The following KHDRBS2 variants were observed in gnomAD, a reference collection of about 807,000 sequenced individuals.
KHDRBS2 encodes the protein KH domain-containing, RNA-binding, signal transduction-associated protein 2.
A neutral mutation model predicts 44.3 loss-of-function variants in KHDRBS2; 26 were observed. The ratio of observed to expected loss-of-function variants is 0.59; its 90% CI spans 0.43 to 0.81. The LOEUF (loss-of-function observed/expected upper bound fraction) is 0.81. Among genes scored for constraint, KHDRBS2 ranks in the 40% least tolerant of loss-of-function variants. KHDRBS2 has a pLI of 0.00. For missense variants in KHDRBS2, 476 were observed against 433.1 expected, an observed-to-expected ratio of 1.10 and a Z score of -0.88; for synonymous variants, 194 against 151.1, an observed-to-expected ratio of 1.28 and a Z score of -2.08.
intron 2 of KHDRBS2, among the ~76,000 whole-genome samples, chr6:62,129,461 G>A (rs1809749559): frequency 6.6e-6 from 1 of 152,114 alleles, no homozygotes. Flanking sequence ...TATATTTTTG[G>A]TAGAGTGGGT....
intron 1 of KHDRBS2, among the ~76,000 whole-genome samples, chr6:62,245,110 A>G (rs1018113775): frequency 1.3e-4 from 20 of 152,172 alleles, no homozygotes; most frequent in African/African-American, 4.8e-4. Flanking sequence ...TTGGAGACTC[A>G]TTACTGAATA....
At chr6:62,099,515 G>C (rs1584691532) in intron 2 of KHDRBS2, among the ~76,000 whole-genome samples, 1 of 152,180 alleles carries the variant, frequency 6.6e-6, no homozygotes, top group East Asian at 1.9e-4. Flanking sequence ...CTGGGTCTGT[G>C]AGTTTCTACC....
At chr6:61,760,884 A>G (rs1424779064) in intron 6 of KHDRBS2, among the ~76,000 whole-genome samples, 4 of 152,234 alleles carry the variant, frequency 2.6e-5, no homozygotes, top group Admixed American at 2.6e-4. Flanking sequence ...TCATGAAGAA[A>G]TGCTTGAACA....
At chr6:62,275,369 T>A (rs1379537151) in intron 1 of KHDRBS2, among the ~76,000 whole-genome samples, 4 of 152,154 alleles carry the variant, frequency 2.6e-5, no homozygotes, top group Non-Finnish European at 5.9e-5. Flanking sequence ...GATAAAAAAG[T>A]GGCTTCTACT....
chr6:61,961,152 G>C (rs1768616503), intron 4 of KHDRBS2, among the ~76,000 whole-genome samples: 1 of 152,034 alleles, frequency 6.6e-6, no homozygotes, highest in Non-Finnish European at 1.5e-5. Flanking sequence ...TGCAACAATA[G>C]CTTTACAATA....
In KHDRBS2 at chr6:62,128,544, A is replaced by ATC. The variant is rs5876776; in HGVS notation, c.219+48639_219+48640dup. ...AATGATCTCTAAATTTCTTTTAATG[A>ATC]TCTCTCTCTCTCTCTCTCTCTCTCT... On this transcript the variant is annotated intron_variant, in intron 2 of 8. Coordinates refer to ENST00000281156, the MANE Select transcript of KHDRBS2 (RefSeq NM_152688.4). Among the ~76,000 whole-genome samples the ATC allele has an allele frequency of 3.3e-3, 486 of 148,760 alleles. 2 individuals are homozygous for ATC. The highest frequency in any genetic ancestry group is 0.013 in the South Asian group (63 of 4,678).
At chr6:61,570,306 A>C in the KHDRBS2 span, among the ~76,000 whole-genome samples, 1 of 152,136 alleles carries the variant, frequency 6.6e-6, no homozygotes. Flanking sequence ...GACTAGAACA[A>C]GTAGAAGAAA....
At chr6:61,996,668 T>C (rs115275838) in intron 3 of KHDRBS2, among the ~76,000 whole-genome samples, 2 of 152,296 alleles carry the variant, frequency 1.3e-5, no homozygotes, top group Admixed American at 6.5e-5. Flanking sequence ...TTAAGCCCAA[T>C]TGAACTTTTT....
rs141688057 is a variant in KHDRBS2, at chr6:62,248,473, C to T, written c.91+37385G>A. Among the ~76,000 whole-genome samples, 1,468 of 152,060 alleles carry T rather than the reference C, an allele frequency of 9.7e-3. 15 individuals are homozygous for T. The highest frequency in any genetic ancestry group is 0.02 in the Middle Eastern group (6 of 294). On this transcript the variant is annotated intron_variant, in intron 1 of 8. Coordinates refer to ENST00000281156, the MANE Select transcript of KHDRBS2 (RefSeq NM_152688.4). ...TCCTGGGTTCAAGCGATTCTCCCAC[C>T]TCAGCCTCCCGAGTAACTGGGATTA...
chr6:61,939,555 A>AC (rs1554281699), intron 4 of KHDRBS2, among the ~76,000 whole-genome samples: 3 of 152,064 alleles, frequency 2.0e-5, no homozygotes, highest in Non-Finnish European at 2.9e-5. Context: ...GGTAAAAAAA[A>AC]CAGATTTATT....
chr6:61,892,653 A>G (rs1242331171), intron 6 of KHDRBS2, among the ~76,000 whole-genome samples: 1 of 152,206 alleles, frequency 6.6e-6, no homozygotes, highest in East Asian at 1.9e-4. Context: ...CAATGGGGAA[A>G]GGATTCCCTA....
intron 2 of KHDRBS2, among the ~76,000 whole-genome samples, chr6:62,100,966 C>A (rs1232613270): frequency 6.6e-6 from 1 of 152,110 alleles, no homozygotes; most frequent in Admixed American, 6.5e-5. Context: ...AATAAACATT[C>A]AACACTCAGA....
chr6:61,819,794 A>C (rs1789589102), intron 6 of KHDRBS2, among the ~76,000 whole-genome samples: 1 of 152,062 alleles, frequency 6.6e-6, no homozygotes, highest in South Asian at 2.1e-4. Flanking sequence ...CAGATGAGGC[A>C]AGATAAGTCT....
the KHDRBS2 span, among the ~76,000 whole-genome samples, chr6:61,657,421 T>G: frequency 6.6e-6 from 1 of 151,990 alleles, no homozygotes; most frequent in Admixed American, 6.6e-5. Flanking sequence ...TGGGAACATA[T>G]GAACATCTGA....
At chr6:62,213,298 A>C (rs16882220) in intron 1 of KHDRBS2, among the ~76,000 whole-genome samples, 3,713 of 152,100 alleles carry the variant, frequency 0.024, 114 homozygotes, top group African/African-American at 0.079. Flanking sequence ...AAGATGCCAA[A>C]GTGTTTTTTA....
intron 7 of KHDRBS2, among the ~76,000 whole-genome samples, chr6:61,729,660 T>C (rs1774131017): frequency 6.6e-6 from 1 of 151,988 alleles, no homozygotes; most frequent in African/African-American, 2.4e-5. Flanking sequence ...TAGTATCTAA[T>C]TGTGGTTTTA....
chr6:61,805,739 G>A (rs1403060618), intron 6 of KHDRBS2, among the ~76,000 whole-genome samples: 1 of 152,144 alleles, frequency 6.6e-6, no homozygotes, highest in African/African-American at 2.4e-5. Flanking sequence ...CAGATCTCAA[G>A]AGAACTCACA....
chr6:61,687,704 A>G (rs887369463), intron 8 of KHDRBS2, among the ~76,000 whole-genome samples: 2 of 151,878 alleles, frequency 1.3e-5, no homozygotes, highest in Non-Finnish European at 1.5e-5. Flanking sequence ...TTTCCATATT[A>G]TAACCTGGTT....
intron 4 of KHDRBS2, among the ~76,000 whole-genome samples, chr6:61,948,519 C>G (rs565752548): frequency 3.0e-4 from 45 of 151,988 alleles, no homozygotes; most frequent in African/African-American, 1.0e-3. Flanking sequence ...ACCATCTATG[C>G]ACCTCTGAGC....
Sources: allele counts gnomAD v4.1 joint callset (sites outside exome capture counted in the v4.1 genomes callset), GRCh38; gene constraint gnomAD v4.1.1; transcripts MANE v1.5; gene names NCBI Gene and HGNC (gene_info 2026-07-23, HGNC 2026-07-21).